The following TAFA1 variants were observed in gnomAD, a reference collection of about 807,000 sequenced individuals.
TAFA1 encodes the protein TAFA chemokine like family member 1, also known as chemokine-like protein TAFA-1.
Under a neutral mutation model 18.5 loss-of-function variants are expected in TAFA1, and 4 were observed. The observed-to-expected ratio is 0.22, with a 90% CI of 0.11 to 0.49. The LOEUF (loss-of-function observed/expected upper bound fraction) is 0.49. Ranked by LOEUF, TAFA1 falls within the 20% of genes least tolerant of loss-of-function variation. TAFA1 has a pLI of 0.98. For missense variants in TAFA1, 147 were observed against 169.0 expected (o/e 0.87, Z 0.72); for synonymous variants, 56 against 55.2 (o/e 1.01, Z -0.06).
At chr3:68,033,437 G>T (rs1704978784) in intron 2 of TAFA1, among the ~76,000 whole-genome samples, 1 of 152,124 alleles carries the variant, frequency 6.6e-6, no homozygotes, top group Non-Finnish European at 1.5e-5. Context: ...TATTTTGTAT[G>T]TTTTTTAAGG....
intron 2 of TAFA1, among the ~76,000 whole-genome samples, chr3:68,317,674 C>T (rs1303530428): frequency 6.6e-6 from 1 of 152,160 alleles, no homozygotes; most frequent in Non-Finnish European, 1.5e-5. Flanking sequence ...ACAGGACCAG[C>T]TACATCATTC....
chr3:68,316,425 C>G (rs1318320092), intron 2 of TAFA1, among the ~76,000 whole-genome samples: 1 of 152,116 alleles, frequency 6.6e-6, no homozygotes, highest in Non-Finnish European at 1.5e-5. Flanking sequence ...TTTCATGTAG[C>G]TTTAGATTTA....
At chr3:68,385,555 A>C (rs79785985) in intron 2 of TAFA1, among the ~76,000 whole-genome samples, 2,241 of 152,230 alleles carry the variant, frequency 0.015, 54 homozygotes, top group South Asian at 0.049. Context: ...CTGCCTTGAA[A>C]GTTGTTATAA....
intron 2 of TAFA1, among the ~76,000 whole-genome samples, chr3:68,145,935 C>T (rs1353384200): frequency 6.6e-6 from 1 of 152,164 alleles, no homozygotes; most frequent in Non-Finnish European, 1.5e-5. Context: ...GTTTACACAA[C>T]CCGGGGGACA....
chr3:68,493,599 A>G (rs2072492974), intron 3 of TAFA1, among the ~76,000 whole-genome samples: 1 of 152,168 alleles, frequency 6.6e-6, no homozygotes. Flanking sequence ...CATTCACACC[A>G]ACAGTGAACA....
intron 2 of TAFA1, among the ~76,000 whole-genome samples, chr3:68,346,625 G>A (rs1208235510): frequency 6.6e-6 from 1 of 152,152 alleles, no homozygotes; most frequent in Non-Finnish European, 1.5e-5. Flanking sequence ...GAGAATGACT[G>A]CTAACATTTT....
chr3:68,479,088 G>A (rs930962486), intron 3 of TAFA1, among the ~76,000 whole-genome samples: 1 of 149,426 alleles, frequency 6.7e-6, no homozygotes, highest in African/African-American at 2.5e-5. Context: ...AAAATTAACT[G>A]GGCATGGTGA....
intron 2 of TAFA1, among the ~76,000 whole-genome samples, chr3:68,251,951 TCA>T (rs1181147488): frequency 6.6e-6 from 1 of 152,226 alleles, no homozygotes; most frequent in Non-Finnish European, 1.5e-5. Context: ...TCATCGGGAC[TCA>T]CACTGGGGTC....
intron 3 of TAFA1, among the ~76,000 whole-genome samples, chr3:68,498,630 A>G (rs1458960578): frequency 6.6e-6 from 1 of 151,932 alleles, no homozygotes; most frequent in East Asian, 1.9e-4. Flanking sequence ...TTGAGGGCAC[A>G]AAGATAGTTT....
At chr3:68,334,970 A>G (rs1354137678) in intron 2 of TAFA1, among the ~76,000 whole-genome samples, 1 of 152,214 alleles carries the variant, frequency 6.6e-6, no homozygotes, top group Non-Finnish European at 1.5e-5. Flanking sequence ...TCAAGGGAAT[A>G]AAGAAATGTA....
At chr3:68,080,571 G>T (rs893004369) in intron 2 of TAFA1, among the ~76,000 whole-genome samples, 1 of 152,100 alleles carries the variant, frequency 6.6e-6, no homozygotes, top group African/African-American at 2.4e-5. Context: ...CTTTGCTTAT[G>T]AAGCATAGTT....
At chr3:68,178,016 C>T (rs746167228) in intron 2 of TAFA1, among the ~76,000 whole-genome samples, 9 of 151,958 alleles carry the variant, frequency 5.9e-5, no homozygotes, top group Non-Finnish European at 1.2e-4. Flanking sequence ...TGGTGGTGGG[C>T]GCCTATAGTC....
intron 3 of TAFA1, among the ~76,000 whole-genome samples, chr3:68,466,521 AG>A (rs2071887553): frequency 6.6e-6 from 1 of 152,132 alleles, no homozygotes; most frequent in South Asian, 2.1e-4. Flanking sequence ...GACCTGCCAA[AG>A]CCCATACCCC....
At chr3:68,041,289 A>G (rs1705159585) in intron 2 of TAFA1, among the ~76,000 whole-genome samples, 1 of 152,258 alleles carries the variant, frequency 6.6e-6, no homozygotes, top group East Asian at 1.9e-4. Context: ...CTGATTAAAA[A>G]TAATGGAACC....
intron 2 of TAFA1, among the ~76,000 whole-genome samples, chr3:68,268,705 T>G (rs1367712656): frequency 6.6e-6 from 1 of 152,120 alleles, no homozygotes; most frequent in African/African-American, 2.4e-5. Flanking sequence ...CTTGCCTGAT[T>G]GACATTTCCA....
intron 2 of TAFA1, among the ~76,000 whole-genome samples, chr3:68,034,774 G>A (rs942438434): frequency 6.6e-6 from 1 of 152,144 alleles, no homozygotes; most frequent in African/African-American, 2.4e-5. Flanking sequence ...ACTATAGATT[G>A]GGGAGGACAG....
intron 2 of TAFA1, among the ~76,000 whole-genome samples, chr3:68,065,726 GTA>G (rs1345844961): frequency 2.5e-5 from 2 of 79,894 alleles, no homozygotes; most frequent in Admixed American, 1.4e-4. Context: ...ATGTTTGTGT[GTA>G]TGTGTGTGTG....
intron 2 of TAFA1, among the ~76,000 whole-genome samples, chr3:68,042,549 T>G (rs1705187233): frequency 6.6e-6 from 1 of 152,148 alleles, no homozygotes; most frequent in Non-Finnish European, 1.5e-5. Flanking sequence ...CTTGGGAGGC[T>G]GAGGCAGGAG....
chr3:68,483,507 C>A (rs1270098315), intron 3 of TAFA1, among the ~76,000 whole-genome samples: 1 of 152,166 alleles, frequency 6.6e-6, no homozygotes, highest in African/African-American at 2.4e-5. Flanking sequence ...TTACCCACTA[C>A]CCTGCTTTAG....
Sources: gnomAD v4.1 joint callset for allele counts (sites outside exome capture counted in the v4.1 genomes callset) on GRCh38, gnomAD v4.1.1 for gene constraint, MANE v1.5 for transcripts, NCBI Gene and HGNC (gene_info 2026-07-23, HGNC 2026-07-21) for gene names.